SLC25A28: variants seen among roughly 807,000 people sequenced by gnomAD.
SLC25A28 encodes the protein solute carrier family 25 member 28, also known as mitoferrin-2.
SLC25A28 carries 10 observed loss-of-function variants against 31.9 expected under a neutral mutation model. The observed-to-expected ratio is 0.31, with a 90% CI of 0.19 to 0.53. The LOEUF is 0.53. Ranked by LOEUF, SLC25A28 falls within the 20% of genes least tolerant of loss-of-function variation. The pLI is 0.95. For synonymous variants in SLC25A28, 208 were observed against 203.6 expected (o/e 1.02, Z -0.19); for missense variants, 256 against 490.3 (o/e 0.52, Z 4.51).
chr10:99,642,165 C>T, the SLC25A28 span, among the ~76,000 whole-genome samples: 1 of 151,992 alleles, frequency 6.6e-6, no homozygotes, highest in African/African-American at 2.4e-5. Flanking sequence ...GGCAGTATGG[C>T]CATTTTAGCA....
intron 1 of SLC25A28, 97 bp downstream of exon 1, chr10:99,619,948 A>C (rs1023085450): frequency 2.3e-6 from 3 of 1,295,618 alleles, no homozygotes; most frequent in Non-Finnish European, 3.0e-6. Flanking sequence ...GAAGGAACCC[A>C]TGTCGGCTCC....
At chr10:99,633,700 A>G in the SLC25A28 span, among the ~76,000 whole-genome samples, 1 of 149,536 alleles carries the variant, frequency 6.7e-6, no homozygotes, top group Non-Finnish European at 1.5e-5. Context: ...AGGCAGACCT[A>G]TGAGCCTTCC....
Position 99,611,238 on chromosome 10 carries a change from C to T in SLC25A28, c.706G>A (p.Val236Ile), listed in dbSNP as rs1272558111. 9.3e-6 allele frequency: 15 copies of T among 1,614,022 alleles called. No homozygotes were observed. Among genetic ancestry groups the T allele is most frequent in the African/African-American group, 6.7e-5 (5 of 74,902 alleles). The change falls in exon 4 of 4, where the codon GTT (valine) becomes ATT (isoleucine). Residue 236 changes from valine to isoleucine, a missense_variant. Val to Ile is a conservative substitution (Grantham distance 29). This residue lies in a region of SLC25A28 where 158 missense variants were observed against 379.1 expected (regional missense o/e 0.42). Transcript: ENST00000370495. This position sits in a 1 kb window ranked among gnomAD's most constrained non-coding sequence, Gnocchi z 5.5. Reference protein sequence around the residue: ...RSYTTQLTMNVPFQAIHFMTY... With the variant: ...RSYTTQLTMNIPFQAIHFMTY... Reference sequence around the variant, plus strand: ...ATGAAGTGAATGGCTTGGAAAGGAACGTTCATGGTCAGCTGGGTGGTGTAG... The same window carrying T: ...ATGAAGTGAATGGCTTGGAAAGGAATGTTCATGGTCAGCTGGGTGGTGTAG...
chr10:99,618,527 T>C, intron 1 of SLC25A28: 3 of 985,438 alleles, frequency 3.0e-6, no homozygotes, highest in Non-Finnish European at 3.6e-6. Flanking sequence ...ACCTAGAGTC[T>C]ATACATATAA....
At chr10:99,645,423 C>G in the SLC25A28 span, among the ~76,000 whole-genome samples, 1 of 152,200 alleles carries the variant, frequency 6.6e-6, no homozygotes, top group African/African-American at 2.4e-5. Flanking sequence ...AAGGTCTTCT[C>G]TATGCTGTTT....
the SLC25A28 span, among the ~76,000 whole-genome samples, chr10:99,655,511 C>A: frequency 6.6e-6 from 1 of 152,196 alleles, no homozygotes; most frequent in South Asian, 2.1e-4. Flanking sequence ...GATCCTCCTA[C>A]CTCAGCTTTC....
At chr10:99,616,545 G>A (rs1202452508) in intron 1 of SLC25A28, 32 of 985,166 alleles carry the variant, frequency 3.2e-5, no homozygotes, top group Non-Finnish European at 3.7e-5. Flanking sequence ...GCAACTAACT[G>A]TCCTTAGCCA....
chr10:99,633,834 G>A, the SLC25A28 span, among the ~76,000 whole-genome samples: 10 of 152,094 alleles, frequency 6.6e-5, no homozygotes, highest in Non-Finnish European at 1.3e-4. Flanking sequence ...CTCCCAGCAG[G>A]AGGCAAACCA....
chr10:99,638,098 T>C, the SLC25A28 span, among the ~76,000 whole-genome samples: 16 of 152,134 alleles, frequency 1.1e-4, no homozygotes, highest in East Asian at 3.1e-3. Context: ...CAGAATGGCA[T>C]ACAGAGCAAT....
rs745997911 is a variant in SLC25A28, at chr10:99,612,576, A to G, written c.544T>C (p.Leu182=). The G allele has an allele frequency of 1.9e-6, 3 of 1,614,204 alleles. No individual in the cohort carries two copies. Among genetic ancestry groups the G allele is most frequent in the Non-Finnish European group, 2.5e-6 (3 of 1,180,040 alleles). The change falls in exon 3 of 4, where the codon TTA becomes CTA. Residue 182 remains leucine, a synonymous_variant. Transcript: ENST00000370495. ...GGGTTCATGGCTGCATCATGAAGTA[A>G]TGTTGCCACACACCCGGCCGCACCT... ...ANGAAGCVAT[L]LHDAAMNPAE... is the part of the protein sequence containing the mutation.
chr10:99,631,683 A>C, the SLC25A28 span, among the ~76,000 whole-genome samples: 2 of 152,044 alleles, frequency 1.3e-5, no homozygotes, highest in Admixed American at 1.3e-4. Context: ...GAGAATGGGA[A>C]GGATAGCCCA....
chr10:99,620,125 T>C lies in SLC25A28; in HGVS notation c.211A>G (p.Thr71Ala). The C allele has an allele frequency of 6.3e-7, 1 of 1,582,400 alleles. No homozygotes were observed. Among genetic ancestry groups the C allele is most frequent in the Non-Finnish European group, 8.5e-7 (1 of 1,172,406 alleles). Residue 71 changes from threonine to alanine, a missense_variant, in exon 1 of 4, where the codon ACT becomes GCT. This residue lies in a region of SLC25A28 where 41 missense variants were observed against 41.7 expected (regional missense o/e 0.98). Coordinates refer to ENST00000370495, the MANE Select transcript of SLC25A28 (RefSeq NM_031212.4). ...CCTGCCACCATGTGCGTGGTGACAGTGGCTCCAGCCGGCAGCGCCTCGTAG... is the reference window on the plus strand; with the variant it reads ...CCTGCCACCATGTGCGTGGTGACAGCGGCTCCAGCCGGCAGCGCCTCGTAG... The part of the protein sequence containing the change: ...PDYEALPAGA[T>A]VTTHMVAGAV...
At chr10:99,647,503 G>T in the SLC25A28 span, among the ~76,000 whole-genome samples, 2 of 152,116 alleles carry the variant, frequency 1.3e-5, no homozygotes, top group Non-Finnish European at 2.9e-5. Context: ...AATTTTTAAT[G>T]GGATTATTTG....
At chr10:99,617,315 G>T in intron 1 of SLC25A28, 1 of 985,404 alleles carries the variant, frequency 1.0e-6, no homozygotes, top group Non-Finnish European at 1.2e-6. Context: ...ATCCAGCAAG[G>T]CTACACTGAC....
the SLC25A28 span, among the ~76,000 whole-genome samples, chr10:99,638,461 G>A: frequency 6.6e-6 from 1 of 152,190 alleles, no homozygotes; most frequent in East Asian, 1.9e-4. Context: ...AAACTGAAGA[G>A]CTTTTGCACA....
chr10:99,612,403 C>T, intron 3 of SLC25A28, 140 bp downstream of exon 3: 1 of 910,184 alleles, frequency 1.1e-6, no homozygotes, highest in East Asian at 2.4e-5. Flanking sequence ...TCGTTAGGTA[C>T]CAAAAACATG....
chr10:99,648,165 A>AT, the SLC25A28 span, among the ~76,000 whole-genome samples: 130,323 of 147,804 alleles, frequency 0.88, 57,428 homozygotes, highest in African/African-American at 0.92. Flanking sequence ...TGCCCAGCTG[A>AT]TTTTTTTTTT....
chr10:99,654,980 C>A, the SLC25A28 span, among the ~76,000 whole-genome samples: 12 of 152,290 alleles, frequency 7.9e-5, no homozygotes, highest in South Asian at 2.1e-3. Flanking sequence ...GCCCTGCTGA[C>A]TGGAAACCTT....
chr10:99,626,965 G>A, the SLC25A28 span, among the ~76,000 whole-genome samples: 1 of 151,806 alleles, frequency 6.6e-6, no homozygotes, highest in Non-Finnish European at 1.5e-5. Context: ...TAATTTTATG[G>A]CCAGATATGG....
Sources: gnomAD v4.1 joint callset for allele counts (sites outside exome capture counted in the v4.1 genomes callset) on GRCh38, gnomAD v4.1.1 for gene constraint, gnomAD v4.1.1 regional missense constraint, Gnocchi (gnomAD v3.1) non-coding constraint, MANE v1.5 for transcripts, NCBI Gene and HGNC (gene_info 2026-07-23, HGNC 2026-07-21) for gene names.